Variants in CATSPERE observed in about 807,000 individuals in gnomAD.
CATSPERE encodes the protein catsper channel auxiliary subunit epsilon.
CATSPERE carries 93 observed loss-of-function variants against 114.1 expected under a neutral mutation model. The observed-to-expected ratio is 0.81, with a 90% CI of 0.69 to 0.97. The LOEUF (loss-of-function observed/expected upper bound fraction) is 0.97, where lower values mean the gene tolerates loss of function less well. CATSPERE is among the 50% of genes least tolerant of loss of function. The pLI, the probability that CATSPERE is intolerant of heterozygous loss-of-function variation, is 0.00. For synonymous variants in CATSPERE, 341 were observed against 384.1 expected, an observed-to-expected ratio of 0.89 and a Z score of 1.31; for missense variants, 1,058 against 1,131.6, an observed-to-expected ratio of 0.93 and a Z score of 0.93.
At chr1:244,624,088 A>G (rs1460359481) in intron 20 of CATSPERE, among the ~76,000 whole-genome samples, 2 of 150,948 alleles carry the variant, frequency 1.3e-5, no homozygotes, top group Non-Finnish European at 2.9e-5. Context: ...CAGCCTCCCA[A>G]GTAGCTGGAA....
At position 244,588,403 on chromosome 1, in the gene CATSPERE, G is replaced by A. The variant is rs112912082; in HGVS notation, c.2086-79G>A. The A allele has an allele frequency of 1.1e-5, 11 of 1,004,824 alleles. No homozygotes were observed. In the East Asian group the frequency reaches 1.9e-4, roughly 17 times the overall value. The allele number at this position is 1,004,824 out of a possible 1,614,324, so 62.2% of individuals were successfully genotyped here. On this transcript the variant is annotated intron_variant, in intron 13 of 21. Coordinates refer to ENST00000366534, the MANE Select transcript of CATSPERE (RefSeq NM_001130957.2). Reference sequence around the variant, plus strand: ...CAAGTTATTATTTTAAATCTAAAATGCAATTGGTTTTAGCTGTAATATTTT... The same window carrying A: ...CAAGTTATTATTTTAAATCTAAAATACAATTGGTTTTAGCTGTAATATTTT...
intron 8 of CATSPERE, among the ~76,000 whole-genome samples, chr1:244,529,877 T>TGG (rs1679312812): frequency 6.6e-6 from 1 of 152,154 alleles, no homozygotes; most frequent in African/African-American, 2.4e-5. Flanking sequence ...TTAATTCACT[T>TGG]GTTTTTTGTA....
At chr1:244,577,521 G>A (rs1665467733) in intron 11 of CATSPERE, among the ~76,000 whole-genome samples, 2 of 152,134 alleles carry the variant, frequency 1.3e-5, no homozygotes, top group Admixed American at 1.3e-4. Flanking sequence ...CTGGAGGCTG[G>A]GAAGCCCAAG....
At chr1:244,498,922 GT>G in intron 6 of CATSPERE, 79 bp from the exon 7 acceptor site, 1 of 1,051,708 alleles carries the variant, frequency 9.5e-7, no homozygotes, top group Non-Finnish European at 1.4e-6. Context: ...ATAAAAACAT[GT>G]TTATGGTTAT....
intron 9 of CATSPERE, among the ~76,000 whole-genome samples, chr1:244,555,029 A>C (rs527980123): frequency 5.3e-5 from 8 of 152,234 alleles, no homozygotes; most frequent in Non-Finnish European, 8.8e-5. Flanking sequence ...GACAAACACC[A>C]TATGATCCTC....
Position 244,575,385 on chromosome 1 carries a change from G to T in CATSPERE, c.1950+2613G>T, listed in dbSNP as rs2148587858. Among the ~76,000 whole-genome samples, 1 of 152,300 alleles carries T rather than the reference G, an allele frequency of 6.6e-6. No homozygotes were observed. The highest frequency in any genetic ancestry group is 2.1e-4 in the South Asian group (1 of 4,830). The stretch of plus-strand genomic sequence containing the variant: ...GGCTAGGGAGAGGGACCTACCTCTT[G>T]GCTGCCGGGCTGCGCGGCATGGTAT... On this transcript the variant is annotated intron_variant, in intron 11 of 21. Transcript: ENST00000366534. This position sits in a 1 kb window ranked among gnomAD's most constrained non-coding sequence, Gnocchi z 4.5.
intron 2 of CATSPERE, 23 bp from the exon 3 acceptor site, chr1:244,477,518 C>T (rs768990137): frequency 5.0e-6 from 7 of 1,400,558 alleles, no homozygotes; most frequent in South Asian, 1.2e-5. Flanking sequence ...ATTTTTTGTT[C>T]GAACTCTTGT....
intron 8 of CATSPERE, among the ~76,000 whole-genome samples, chr1:244,539,538 A>G (rs1285674449): frequency 7.3e-6 from 1 of 136,866 alleles, no homozygotes; most frequent in Non-Finnish European, 1.6e-5. Flanking sequence ...GAATAGTTTC[A>G]GAAGGAATGG....
chr1:244,501,105 A>G (rs570807403), intron 7 of CATSPERE, among the ~76,000 whole-genome samples: 1 of 152,254 alleles, frequency 6.6e-6, no homozygotes, highest in African/African-American at 2.4e-5. Flanking sequence ...CTTTGTAGCA[A>G]TTATGAATGG....
chr1:244,484,238 C>A (rs1670668075), intron 5 of CATSPERE, among the ~76,000 whole-genome samples: 1 of 152,150 alleles, frequency 6.6e-6, no homozygotes, highest in Non-Finnish European at 1.5e-5. Flanking sequence ...GAAGTACCCA[C>A]CCCACTCCAA....
chr1:244,465,428 A>G (rs1667461864), intron 2 of CATSPERE, among the ~76,000 whole-genome samples: 1 of 152,246 alleles, frequency 6.6e-6, no homozygotes, highest in African/African-American at 2.4e-5. Flanking sequence ...TTTAAAATAT[A>G]GGTCATAAAT....
At chr1:244,471,585 G>A (rs1490720473) in intron 2 of CATSPERE, among the ~76,000 whole-genome samples, 2 of 152,104 alleles carry the variant, frequency 1.3e-5, no homozygotes, top group Admixed American at 1.3e-4. Context: ...TCTATTTCCT[G>A]ATCCTATAGT....
intron 6 of CATSPERE, among the ~76,000 whole-genome samples, 163 bp downstream of exon 6, chr1:244,490,634 G>T (rs998344417): frequency 1.5e-4 from 23 of 151,998 alleles, no homozygotes; most frequent in Non-Finnish European, 2.5e-4. Flanking sequence ...GGTCCATGAG[G>T]TTCACCCTTT....
intron 20 of CATSPERE, among the ~76,000 whole-genome samples, chr1:244,632,393 C>CAAAAAAAAAA (rs35948602): frequency 3.7e-5 from 4 of 109,380 alleles, no homozygotes; most frequent in Non-Finnish European, 5.2e-5. Flanking sequence ...GACTCCAACT[C>CAAAAAAAAAA]AAAAAAAAAA....
At chr1:244,557,556 TATATATATATATATATATATATATATAA>T (rs1661810631) in intron 9 of CATSPERE, among the ~76,000 whole-genome samples, 1 of 75,568 alleles carries the variant, frequency 1.3e-5, no homozygotes, top group African/African-American at 6.0e-5. Flanking sequence ...TATATATATA[TATATATATATATATATATATATATATAA>T]AATCTCCCAG....
At chr1:244,490,734 G>C (rs185305359) in intron 6 of CATSPERE, among the ~76,000 whole-genome samples, 3 of 151,996 alleles carry the variant, frequency 2.0e-5, no homozygotes, top group South Asian at 2.1e-4. Context: ...AAGGAGCAGA[G>C]ATGATTATCC....
intron 8 of CATSPERE, among the ~76,000 whole-genome samples, chr1:244,538,554 G>T (rs1194938922): frequency 6.6e-6 from 1 of 152,114 alleles, no homozygotes; most frequent in African/African-American, 2.4e-5. Flanking sequence ...CAATATCCAA[G>T]AACTCAGAAG....
intron 20 of CATSPERE, among the ~76,000 whole-genome samples, chr1:244,631,593 G>C (rs1299973778): frequency 2.6e-5 from 4 of 152,076 alleles, no homozygotes; most frequent in African/African-American, 9.7e-5. Flanking sequence ...TACAAAGAAC[G>C]CTTACAACTC....
chr1:244,506,282 G>A (rs1572452615), intron 7 of CATSPERE, among the ~76,000 whole-genome samples: 1 of 152,096 alleles, frequency 6.6e-6, no homozygotes, highest in African/African-American at 2.4e-5. Flanking sequence ...CATTCTGTGT[G>A]TCCATTCATC....
Sources: allele counts gnomAD v4.1 joint callset (sites outside exome capture counted in the v4.1 genomes callset), GRCh38; gene constraint gnomAD v4.1.1; non-coding constraint Gnocchi (gnomAD v3.1); transcripts MANE v1.5; gene names NCBI Gene and HGNC (gene_info 2026-07-23, HGNC 2026-07-21).